The following LYST variants were observed in gnomAD, a reference collection of about 807,000 sequenced individuals.
LYST encodes the protein lysosomal trafficking regulator.
Under a neutral mutation model 413.6 loss-of-function variants are expected in LYST, and 192 were observed. That is an observed-to-expected ratio of 0.46 (90% CI 0.41 to 0.52). The LOEUF is 0.52. Ranked by LOEUF, LYST falls within the 20% of genes least tolerant of loss-of-function variation. The probability of loss-of-function intolerance (pLI) is 0.00; values close to 1 mark genes in which losing one functional copy is unlikely to be tolerated. For synonymous variants in LYST, 1,525 were observed against 1,567.3 expected, an observed-to-expected ratio of 0.97 and a Z score of 0.64; for missense variants, 3,815 against 4,499.9, an observed-to-expected ratio of 0.85 and a Z score of 4.35.
intron 40 of LYST, among the ~76,000 whole-genome samples, chr1:235,719,242 T>C (rs1189329031): frequency 3.9e-5 from 6 of 152,160 alleles, no homozygotes; most frequent in Non-Finnish European, 8.8e-5. Flanking sequence ...GCTCTTGAAC[T>C]TCAGGCCTCA....
At chr1:235,766,019 G>A (rs1668108772) in intron 21 of LYST, 60 bp downstream of exon 21, 1 of 1,222,656 alleles carries the variant, frequency 8.2e-7, no homozygotes, top group African/African-American at 1.5e-5. Context: ...TGTGAATCAA[G>A]TGGGAAGAAT....
chr1:235,772,374 A>G (rs1364030885), intron 19 of LYST, among the ~76,000 whole-genome samples: 1 of 152,122 alleles, frequency 6.6e-6, no homozygotes. Context: ...ATATTTGTTG[A>G]TAATCTTGTT....
chr1:235,781,885 C>A, intron 15 of LYST, 42 bp downstream of exon 15: 1 of 1,343,806 alleles, frequency 7.4e-7, no homozygotes, highest in South Asian at 1.2e-5. Flanking sequence ...CTCACTCTGT[C>A]GCCCAGGCTG....
chr1:235,850,983 T>C (rs909560737), intron 1 of LYST, among the ~76,000 whole-genome samples: 7 of 152,130 alleles, frequency 4.6e-5, no homozygotes, highest in Non-Finnish European at 8.8e-5. Flanking sequence ...CTTAAAGAAC[T>C]AAAAGTAGAA....
chr1:235,737,919 C>CCGCG, intron 31 of LYST: 10 of 1,160,706 alleles, frequency 8.6e-6, no homozygotes, highest in Admixed American at 4.5e-5. Context: ...GCCGACGAGT[C>CCGCG]TGGATCTCAC....
chr1:235,742,280 C>T (rs1003837423), intron 30 of LYST, among the ~76,000 whole-genome samples: 42 of 151,948 alleles, frequency 2.8e-4, no homozygotes, highest in African/African-American at 4.1e-4. Flanking sequence ...CATGGTGAAA[C>T]GCTGTCTCTA....
intron 1 of LYST, among the ~76,000 whole-genome samples, chr1:235,859,639 C>T (rs1021493751): frequency 1.3e-5 from 2 of 152,024 alleles, no homozygotes; most frequent in Admixed American, 6.6e-5. Flanking sequence ...TTTTAAATTA[C>T]GAGTAATTAT....
chr1:235,817,092 T>C (rs1046209448), intron 3 of LYST, among the ~76,000 whole-genome samples: 2 of 151,814 alleles, frequency 1.3e-5, no homozygotes, highest in Admixed American at 1.3e-4. Flanking sequence ...AAAGAAGACA[T>C]ACATGCGCCA....
Position 235,804,571 on chromosome 1 carries a change from G to A in LYST, c.3488C>T (p.Ala1163Val), listed in dbSNP as rs1348615522. 2.5e-6 allele frequency: 4 copies of A among 1,612,004 alleles called. No individual in the cohort carries two copies. The highest frequency in any genetic ancestry group is 3.4e-6 in the Non-Finnish European group (4 of 1,178,204). ...ETQLAKPLFD[A>V]LLRVALGNYS... ...ATTCCCGAGGGCAACTCGAAGCAGG[G>A]CATCAAATAAAGGCTTTGCTAGTTG... Residue 1163 changes from alanine (A) to valine (V), a missense_variant, in exon 7 of 53, where the codon GCC (alanine) becomes GTC (valine). By Grantham distance (64) the Ala-to-Val change is moderately conservative (BLOSUM62 0). Coordinates refer to ENST00000389793, the MANE Select transcript of LYST (RefSeq NM_000081.4).
At chr1:235,833,713 A>C (rs1461484338) in intron 1 of LYST, 46 bp from the exon 2 acceptor site, 1 of 372,868 alleles carries the variant, frequency 2.7e-6, no homozygotes, top group Non-Finnish European at 3.7e-6. Context: ...ACCACAAATA[A>C]TTTTAACAAA....
At position 235,753,226 on chromosome 1, in the gene LYST, A is replaced by G; in HGVS notation, c.7278T>C (p.Ser2426=). The change falls in exon 26 of 53, where the codon TCT becomes TCC. Residue 2426 remains serine, a synonymous_variant. Coordinates refer to ENST00000389793, the MANE Select transcript of LYST (RefSeq NM_000081.4). ...CTATTAGTCCCAGAATAGGAATGACAGACCACTTCTGAAACAATCCCATGT... is the reference window on the plus strand; with the variant it reads ...CTATTAGTCCCAGAATAGGAATGACGGACCACTTCTGAAACAATCCCATGT... ...VRNMGLFQKW[S]VIPILGLIET... is the part of the protein sequence containing the mutation. 1 of 1,610,662 alleles carries G rather than the reference A, an allele frequency of 6.2e-7. No individual in the cohort carries two copies. The highest frequency in any genetic ancestry group is 1.3e-5 in the African/African-American group (1 of 74,962).
chr1:235,792,613 C>G (rs1160993815), intron 11 of LYST, among the ~76,000 whole-genome samples: 2 of 151,578 alleles, frequency 1.3e-5, no homozygotes, highest in Non-Finnish European at 2.9e-5. Context: ...CCATGCCCAG[C>G]CTTCATTCTT....
At chr1:235,835,124 C>T (rs1325576475) in intron 1 of LYST, among the ~76,000 whole-genome samples, 2 of 151,646 alleles carry the variant, frequency 1.3e-5, no homozygotes, top group Admixed American at 1.3e-4. Context: ...GCCACATTGG[C>T]CAGGCTGGTC....
In LYST at chr1:235,755,486, A is replaced by T. The variant is rs1361652224; in HGVS notation, c.7221T>A (p.Leu2407=). ...IEMFFGRHIG[L]DEEFDLEDVR... ...GGGAAGAACACACTTACTCTTCATC[A>T]AGGCCAATATGTCGACCAAAGAACA... Residue 2407 remains leucine, a synonymous_variant, in exon 25 of 53, where the codon CTT becomes CTA. Transcript: ENST00000389793. 2 of 1,613,014 alleles carry T rather than the reference A, an allele frequency of 1.2e-6. No individual in the cohort carries two copies. Among genetic ancestry groups the T allele is most frequent in the Non-Finnish European group, 1.7e-6 (2 of 1,179,254 alleles).
At chr1:235,713,333 G>C (rs186560306) in intron 42 of LYST, among the ~76,000 whole-genome samples, 1 of 152,222 alleles carries the variant, frequency 6.6e-6, no homozygotes, top group East Asian at 1.9e-4. Context: ...AAAACTAAAA[G>C]AAAAATTAAG....
chr1:235,852,727 T>G (rs1572458535), intron 1 of LYST, among the ~76,000 whole-genome samples: 2 of 152,138 alleles, frequency 1.3e-5, no homozygotes, highest in African/African-American at 4.8e-5. Context: ...TATTTTAAAA[T>G]GAGAATCCAT....
intron 3 of LYST, among the ~76,000 whole-genome samples, chr1:235,824,294 C>T (rs1210356722): frequency 1.3e-5 from 2 of 152,158 alleles, no homozygotes; most frequent in Non-Finnish European, 2.9e-5. Flanking sequence ...TTATGTATCA[C>T]TGAAATTTTA....
chr1:235,706,215 G>T (rs1328309045), intron 44 of LYST, among the ~76,000 whole-genome samples: 2 of 152,100 alleles, frequency 1.3e-5, no homozygotes, highest in Non-Finnish European at 2.9e-5. Flanking sequence ...TTCGTACCCT[G>T]GCATACTGAA....
At chr1:235,877,737 C>T (rs899115466) in intron 1 of LYST, among the ~76,000 whole-genome samples, 3 of 151,584 alleles carry the variant, frequency 2.0e-5, no homozygotes, top group Non-Finnish European at 2.9e-5. Flanking sequence ...GTTTCTATTC[C>T]GTGAGTACAG....
Sources: gnomAD v4.1 joint callset for allele counts (sites outside exome capture counted in the v4.1 genomes callset) on GRCh38, gnomAD v4.1.1 for gene constraint, MANE v1.5 for transcripts, NCBI Gene and HGNC (gene_info 2026-07-23, HGNC 2026-07-21) for gene names.